Variants in ZNF146 observed in about 807,000 individuals in gnomAD.
The protein encoded by ZNF146 is zinc finger protein 146, also known as zinc finger protein OZF.
Under a neutral mutation model 22.2 loss-of-function variants are expected in ZNF146, and 9 were observed. The observed-to-expected ratio is 0.41, with a 90% confidence interval of 0.24 to 0.71. The LOEUF (loss-of-function observed/expected upper bound fraction) is 0.71. ZNF146 is among the 30% of genes least tolerant of loss of function. ZNF146 has a pLI of 0.34. For missense variants in ZNF146, 194 were observed against 344.8 expected (o/e 0.56, Z 3.46); for synonymous variants, 108 against 119.2 (o/e 0.91, Z 0.61).
rs1184918192 is a variant in ZNF146, at chr19:36,238,630, T to C, written c.*1311T>C. 6.0e-6 allele frequency: 1 copy of C among 167,110 alleles called. No individual in the cohort carries two copies. The highest frequency in any genetic ancestry group is 1.5e-5 in the Non-Finnish European group (1 of 68,124). 10.4% of individuals were successfully genotyped at this position (167,110 alleles called of 1,614,324 possible). A position where few individuals can be genotyped will look rare whatever the true frequency, so the allele number is the denominator to read the frequency against. On this transcript the variant is annotated 3_prime_UTR_variant, in exon 4 of 4. Transcript: ENST00000443387. ...TGCTGTATCTGTGGAAGTCATGTTATACTGGATTCATTTCCAATTAAATAC... is the reference window on the plus strand; with the variant it reads ...TGCTGTATCTGTGGAAGTCATGTTACACTGGATTCATTTCCAATTAAATAC...
intron 3 of ZNF146, among the ~76,000 whole-genome samples, chr19:36,230,798 T>C (rs1282457975): frequency 1.3e-5 from 2 of 152,032 alleles, no homozygotes; most frequent in Non-Finnish European, 2.9e-5. Context: ...CAGCCTTCCT[T>C]CCTTTTCCTT....
chr19:36,237,094 A>G lies in ZNF146; in HGVS notation c.654A>G (p.Gly218=). The stretch of plus-strand genomic sequence containing the variant: ...AACCTTACGAATGCAATGTTTGTGG[A>G]AAAGCCTTCTCTCAGAGCTCATCTC... The part of the protein sequence containing the change: ...GDKPYECNVC[G]KAFSQSSSLT... The change falls in exon 4 of 4, where the codon GGA becomes GGG. Residue 218 remains glycine (G), a synonymous_variant. Transcript: ENST00000443387. 2 of 1,614,196 alleles carry G rather than the reference A, an allele frequency of 1.2e-6. No homozygotes were observed. Among genetic ancestry groups the G allele is most frequent in the Non-Finnish European group, 1.7e-6 (2 of 1,180,030 alleles).
At position 36,218,182 on chromosome 19, in the gene ZNF146, C is replaced by T. The variant is rs1424996675; in HGVS notation, c.-868C>T. 4 of 149,012 alleles carry T rather than the reference C, an allele frequency of 2.7e-5. No homozygotes were observed. Among genetic ancestry groups the T allele is most frequent in the Non-Finnish European group, 5.9e-5 (4 of 67,624 alleles). The allele number at this position is 149,012 out of a possible 1,614,324, so 9.2% of individuals were successfully genotyped here. ...AACTCCTTCCTCTGCCACTTTTTAC[C>T]TTGGGGACCTCAGGTAGGTACTTAA... On this transcript the variant is annotated 5_prime_UTR_variant, in exon 2 of 4. Coordinates refer to ENST00000443387, the MANE Select transcript of ZNF146 (RefSeq NM_007145.3).
intron 2 of ZNF146, among the ~76,000 whole-genome samples, chr19:36,222,927 C>T (rs183473329): frequency 6.6e-6 from 1 of 150,962 alleles, no homozygotes; most frequent in Admixed American, 6.6e-5. Flanking sequence ...TTAGAATGAG[C>T]CCCCTGTGGT....
In ZNF146 at chr19:36,222,548, A is replaced by G. The variant is rs545310611; in HGVS notation, c.-855+4353A>G. On this transcript the variant is annotated intron_variant, in intron 2 of 3. Transcript: ENST00000443387. Reference sequence around the variant, plus strand: ...AAACTCACCATGAGTGTAGTGTCGAATATTTGGTATTTCGCTAGGGACATA... The same window carrying G: ...AAACTCACCATGAGTGTAGTGTCGAGTATTTGGTATTTCGCTAGGGACATA... 3.3e-5 allele frequency among the ~76,000 whole-genome samples: 5 copies of G among 152,246 alleles called. No homozygotes were observed. In the East Asian group the frequency reaches 7.7e-4, roughly 23 times the overall value.
rs1384806299 is a variant in ZNF146 at position 36,236,875 on chromosome 19, G to T, written c.435G>T (p.Glu145Asp). ...KTFSGKSNLT[E>D]HEKIHIGEKP... Reference sequence around the variant, plus strand: ...TCAGTGGCAAATCCAACCTTACTGAGCATGAGAAAATCCATATTGGAGAGA... The same window carrying T: ...TCAGTGGCAAATCCAACCTTACTGATCATGAGAAAATCCATATTGGAGAGA... Residue 145 changes from glutamate to aspartate, a missense_variant, in exon 4 of 4, where the codon GAG becomes GAT. Physicochemically the swap from Glu to Asp is conservative, Grantham distance 45. This residue lies in a region of ZNF146 where 147 missense variants were observed against 300.1 expected (regional missense o/e 0.49). Coordinates refer to ENST00000443387, the MANE Select transcript of ZNF146 (RefSeq NM_007145.3). 1.2e-6 allele frequency: 2 copies of T among 1,613,986 alleles called. No individual in the cohort carries two copies. The highest frequency in any genetic ancestry group is 1.3e-5 in the African/African-American group (1 of 74,914).
At chr19:36,220,845 T>C (rs1470733471) in intron 2 of ZNF146, among the ~76,000 whole-genome samples, 1 of 144,744 alleles carries the variant, frequency 6.9e-6, no homozygotes, top group African/African-American at 2.6e-5. Flanking sequence ...TTTTTGTTCT[T>C]AAAATGCATC....
chr19:36,214,744 C>G (rs1976521013), upstream of ZNF146: 1 of 152,320 alleles, frequency 6.6e-6, no homozygotes, highest in Non-Finnish European at 1.5e-5. Context: ...CTAGATCGGC[C>G]ACGGACAGAA....
In ZNF146 at chr19:36,230,361, A is replaced by G. The variant is rs1332074025; in HGVS notation, c.-783+1542A>G. Among the ~76,000 whole-genome samples, 5 of 152,202 alleles carry G rather than the reference A, an allele frequency of 3.3e-5. No individual in the cohort carries two copies. The South Asian group carries it at 6.2e-4, about 19-fold the overall frequency. On this transcript the variant is annotated intron_variant, in intron 3 of 3. Transcript: ENST00000443387. Reference sequence around the variant, plus strand: ...AAACAGTCAAAAATTTCTTCCTCCTAGGGACGGTGTTATAATGGGGAGACA... The same window carrying G: ...AAACAGTCAAAAATTTCTTCCTCCTGGGGACGGTGTTATAATGGGGAGACA...
intron 2 of ZNF146, among the ~76,000 whole-genome samples, chr19:36,222,638 TTA>T (rs1196942982): frequency 6.6e-6 from 1 of 152,122 alleles, no homozygotes; most frequent in Non-Finnish European, 1.5e-5. Flanking sequence ...GAATTTTTTT[TTA>T]TATGTTTAAA....
In ZNF146 at chr19:36,225,359, C is replaced by T. The variant is rs79651410; in HGVS notation, c.-854-3389C>T. Among the ~76,000 whole-genome samples the T allele has an allele frequency of 1.7e-4, 26 of 152,170 alleles. 1 individual carries two copies. The highest frequency in any genetic ancestry group is 1.1e-3 in the Admixed American group (17 of 15,274). On this transcript the variant is annotated intron_variant, in intron 2 of 3. Coordinates refer to ENST00000443387, the MANE Select transcript of ZNF146 (RefSeq NM_007145.3). ...CTATTCCTATTCTTCTGTTTTCTGT[C>T]GATTCCCTTCTTTTGGGTGACTGTT...
At chr19:36,234,288 T>C (rs1275683147) in intron 3 of ZNF146, among the ~76,000 whole-genome samples, 1 of 152,098 alleles carries the variant, frequency 6.6e-6, no homozygotes, top group Admixed American at 6.6e-5. Flanking sequence ...TACTTCTTTC[T>C]ACACAGACAC....
intron 3 of ZNF146, among the ~76,000 whole-genome samples, chr19:36,232,316 C>T (rs1382709868): frequency 1.3e-5 from 2 of 151,636 alleles, no homozygotes; most frequent in Non-Finnish European, 2.9e-5. Context: ...GTAGGTACTA[C>T]TTATATAAAC....
upstream of ZNF146, chr19:36,214,970 C>T (rs1234273567): frequency 6.6e-6 from 1 of 152,440 alleles, no homozygotes; most frequent in East Asian, 1.9e-4. Flanking sequence ...AGTAAAGCCT[C>T]AAGGGAAATG....
intron 3 of ZNF146, among the ~76,000 whole-genome samples, chr19:36,232,353 T>C (rs575060437): frequency 6.6e-6 from 1 of 152,218 alleles, no homozygotes; most frequent in Admixed American, 6.5e-5. Flanking sequence ...TTAAAATGTT[T>C]GTTACTTCTG....
intron 3 of ZNF146, among the ~76,000 whole-genome samples, chr19:36,230,411 T>C (rs1977277088): frequency 6.6e-6 from 1 of 152,110 alleles, no homozygotes; most frequent in South Asian, 2.1e-4. Flanking sequence ...ACTTAAAAAA[T>C]GTATACTATC....
intron 2 of ZNF146, among the ~76,000 whole-genome samples, chr19:36,222,532 A>G (rs762258591): frequency 6.6e-6 from 1 of 152,182 alleles, no homozygotes; most frequent in Non-Finnish European, 1.5e-5. Context: ...TAAACTCACC[A>G]TGAGTGTAGT....
At chr19:36,222,370 C>A (rs1227272265) in intron 2 of ZNF146, among the ~76,000 whole-genome samples, 2 of 152,166 alleles carry the variant, frequency 1.3e-5, no homozygotes, top group Non-Finnish European at 2.9e-5. Flanking sequence ...TCTGCTGTTG[C>A]TAACAATGCA....
chr19:36,219,318 C>G (rs964476939), intron 2 of ZNF146, among the ~76,000 whole-genome samples: 1 of 152,110 alleles, frequency 6.6e-6, no homozygotes, highest in Non-Finnish European at 1.5e-5. Flanking sequence ...TGTGCCACCA[C>G]GACCTGCTAA....
Sources: allele counts gnomAD v4.1 joint callset (sites outside exome capture counted in the v4.1 genomes callset), GRCh38; gene constraint gnomAD v4.1.1; regional missense constraint gnomAD v4.1.1; transcripts MANE v1.5; gene names NCBI Gene and HGNC (gene_info 2026-07-23, HGNC 2026-07-21).